Variants in SULF1 observed in about 807,000 individuals in gnomAD.
SULF1 encodes the protein sulfatase 1.
Under a neutral mutation model 110.5 loss-of-function variants are expected in SULF1, and 46 were observed. That is an observed-to-expected ratio of 0.42 (90% confidence interval 0.33 to 0.53). The LOEUF (loss-of-function observed/expected upper bound fraction) is 0.53, where lower values mean the gene tolerates loss of function less well. Ranked by LOEUF, SULF1 falls within the 20% of genes least tolerant of loss-of-function variation. SULF1 has a pLI of 0.12. For synonymous variants in SULF1, 371 were observed against 387.1 expected, an observed-to-expected ratio of 0.96 and a Z score of 0.49; for missense variants, 941 against 1,094.2, an observed-to-expected ratio of 0.86 and a Z score of 1.98.
intron 13 of SULF1, among the ~76,000 whole-genome samples, chr8:69,616,028 C>A (rs1368242140): frequency 6.7e-6 from 1 of 150,302 alleles, no homozygotes; most frequent in Non-Finnish European, 1.5e-5. Context: ...AGACTTTAGA[C>A]CATTATTTTT....
In SULF1 at chr8:69,518,429, T is replaced by C. The variant is rs1812079824; in HGVS notation, c.-134+16461T>C. 2.6e-5 allele frequency among the ~76,000 whole-genome samples: 4 copies of C among 152,354 alleles called. No homozygotes were observed. The South Asian group carries it at 8.3e-4, about 32-fold the overall frequency. ...CATCACATTTTCTGGCATTTTCACA[T>C]GTCTAGTAATACTTAATTGGCTGTT... On this transcript the variant is annotated intron_variant, in intron 3 of 22. Transcript: ENST00000402687.
At chr8:69,483,505 C>G (rs1219271643) in intron 1 of SULF1, among the ~76,000 whole-genome samples, 1 of 152,156 alleles carries the variant, frequency 6.6e-6, no homozygotes, top group Non-Finnish European at 1.5e-5. Context: ...CTGGAAAGAG[C>G]ACTGGTTCTG....
chr8:69,657,642 G>A (rs77553419), intron 22 of SULF1, among the ~76,000 whole-genome samples: 1 of 152,198 alleles, frequency 6.6e-6, no homozygotes, highest in Admixed American at 6.5e-5. Context: ...TCTGAAGATT[G>A]TAGGATTCTC....
intron 5 of SULF1, among the ~76,000 whole-genome samples, chr8:69,573,862 G>C (rs1805414947): frequency 6.6e-6 from 1 of 152,182 alleles, no homozygotes; most frequent in African/African-American, 2.4e-5. Flanking sequence ...TGAAACGATT[G>C]GTTTCCAGTT....
intron 8 of SULF1, among the ~76,000 whole-genome samples, chr8:69,599,876 T>G (rs954330232): frequency 6.6e-6 from 1 of 152,176 alleles, no homozygotes; most frequent in African/African-American, 2.4e-5. Context: ...ACCATGTGGA[T>G]CTCTGCAGTA....
chr8:69,658,898 CAG>C lies in SULF1; in HGVS notation c.*368_*369del. 1 of 489,634 alleles carries C rather than the reference CAG, an allele frequency of 2.0e-6. No individual in the cohort carries two copies. 30.3% of individuals were successfully genotyped at this position (489,634 alleles called of 1,614,324 possible). ...CATTTGAACCGACCAACATTAAGTC[CAG>C]AGAGTAAACTTGAATGGAATAACGA... On this transcript the variant is annotated 3_prime_UTR_variant, in exon 23 of 23. Coordinates refer to ENST00000402687, the MANE Select transcript of SULF1 (RefSeq NM_001128205.2).
chr8:69,482,596 A>C (rs2150544362), intron 1 of SULF1, among the ~76,000 whole-genome samples: 1 of 152,058 alleles, frequency 6.6e-6, no homozygotes, highest in South Asian at 2.1e-4. Flanking sequence ...ATAGAGAGAG[A>C]GGGGCAGGGG....
rs1440225532 is a variant in SULF1 at position 69,533,019 on chromosome 8, C to A, written c.-133-30520C>A. 2.0e-5 allele frequency among the ~76,000 whole-genome samples: 3 copies of A among 152,116 alleles called. No homozygotes were observed. In the East Asian group the frequency reaches 5.8e-4, roughly 29 times the overall value. ...TAATATCAAGACAAACAAATGAAAA[C>A]CAAGTATGGCCACATGATCAAGAAC... On this transcript the variant is annotated intron_variant, in intron 3 of 22. Transcript: ENST00000402687.
intron 3 of SULF1, among the ~76,000 whole-genome samples, chr8:69,533,020 C>G (rs1267792970): frequency 6.6e-6 from 1 of 152,032 alleles, no homozygotes; most frequent in African/African-American, 2.4e-5. Context: ...AAATGAAAAC[C>G]AAGTATGGCC....
Position 69,600,716 on chromosome 8 carries a change from T to A in SULF1, c.848T>A (p.Leu283His). 1 of 1,614,012 alleles carries A rather than the reference T, an allele frequency of 6.2e-7. No homozygotes were observed. Among genetic ancestry groups the A allele is most frequent in the East Asian group, 2.2e-5 (1 of 44,876 alleles). Residue 283 changes from leucine to histidine, a missense_variant, in exon 9 of 23, where the codon CTC becomes CAC. This residue lies in a region of SULF1 where 822 missense variants were observed against 934.3 expected (regional missense o/e 0.88). Coordinates refer to ENST00000402687, the MANE Select transcript of SULF1 (RefSeq NM_001128205.2). ...EFTNILQRKR[L>H]QTLMSVDDSV... ...ACAAACATTCTACAGCGCAAAAGGC[T>A]CCAGACTTTGATGTCAGTGGATGAT...
exon 1 of SULF1, chr8:69,466,789 G>C (rs534925360): frequency 6.6e-6 from 1 of 152,348 alleles, no homozygotes; most frequent in Non-Finnish European, 1.5e-5. Flanking sequence ...GGGTTAGTGT[G>C]TGTCATCACA....
chr8:69,493,875 A>ATGCTCAC (rs1453218787), intron 1 of SULF1, among the ~76,000 whole-genome samples: 1 of 152,254 alleles, frequency 6.6e-6, no homozygotes, highest in Non-Finnish European at 1.5e-5. Context: ...CTCAGAGATT[A>ATGCTCAC]TGCTCACTGC....
At chr8:69,574,899 G>A (rs536839340) in intron 5 of SULF1, among the ~76,000 whole-genome samples, 1 of 152,128 alleles carries the variant, frequency 6.6e-6, no homozygotes, top group South Asian at 2.1e-4. Context: ...TGAAGACACG[G>A]GGCTAACTGT....
At chr8:69,583,739 G>A (rs1455926531) in intron 6 of SULF1, among the ~76,000 whole-genome samples, 1 of 152,162 alleles carries the variant, frequency 6.6e-6, no homozygotes, top group African/African-American at 2.4e-5. Context: ...ATAAGGCAGA[G>A]GCAATGTTTG....
At chr8:69,510,524 C>G (rs1466123083) in intron 3 of SULF1, among the ~76,000 whole-genome samples, 3 of 151,958 alleles carry the variant, frequency 2.0e-5, no homozygotes, top group African/African-American at 7.3e-5. Context: ...GCTTTATGCA[C>G]AGTAACTATT....
intron 22 of SULF1, among the ~76,000 whole-genome samples, chr8:69,641,761 A>ATAAC (rs1811492076): frequency 6.6e-6 from 1 of 152,010 alleles, no homozygotes; most frequent in Admixed American, 6.6e-5. Flanking sequence ...AAATAAATAA[A>ATAAC]TAAAAAAATA....
chr8:69,586,638 AAGGT>A (rs1380933661), intron 7 of SULF1, 130 bp downstream of exon 7: 2 of 1,086,054 alleles, frequency 1.8e-6, no homozygotes, highest in Non-Finnish European at 2.6e-6. Context: ...GAGAAATGTT[AAGGT>A]AATTTTAAAC....
chr8:69,624,777 A>T (rs1303633316), intron 15 of SULF1, among the ~76,000 whole-genome samples: 1 of 152,226 alleles, frequency 6.6e-6, no homozygotes, highest in African/African-American at 2.4e-5. Flanking sequence ...AGTCAAGGGG[A>T]CAGGGAAGGC....
Position 69,621,115 on chromosome 8 carries a change from G to A in SULF1, c.1458G>A (p.Arg486=). 6.2e-7 allele frequency: 1 copy of A among 1,614,054 alleles called. No individual in the cohort carries two copies. The highest frequency in any genetic ancestry group is 1.1e-5 in the South Asian group (1 of 91,076). ...CKGPSDLLTV[R]QSTRNLYARG... ...GACCCAGTGACCTGCTCACAGTCCG[G>A]CAGAGCACGCGGAACCTCTACGCTC... Residue 486 remains arginine, a synonymous_variant, in exon 14 of 23, where the codon CGG becomes CGA. Coordinates refer to ENST00000402687, the MANE Select transcript of SULF1 (RefSeq NM_001128205.2).
Sources: gnomAD v4.1 joint callset for allele counts (sites outside exome capture counted in the v4.1 genomes callset) on GRCh38, gnomAD v4.1.1 for gene constraint, gnomAD v4.1.1 regional missense constraint, MANE v1.5 for transcripts, NCBI Gene and HGNC (gene_info 2026-07-23, HGNC 2026-07-21) for gene names.